SPAG16: variants seen among roughly 807,000 people sequenced by gnomAD.
SPAG16 encodes sperm associated antigen 16.
SPAG16 carries 86 observed loss-of-function variants against 80.4 expected under a neutral mutation model. The observed-to-expected ratio is 1.07, with a 90% confidence interval of 0.90 to 1.28. The LOEUF (loss-of-function observed/expected upper bound fraction) is 1.28, where lower values mean the gene tolerates loss of function less well. Ranked by LOEUF, SPAG16 falls within the 50% of genes most tolerant of loss-of-function variation. The probability of loss-of-function intolerance (pLI) is 0.00; values close to 1 mark genes in which losing one functional copy is unlikely to be tolerated. For missense variants in SPAG16, 870 were observed against 765.3 expected (o/e 1.14, Z -1.61); for synonymous variants, 294 against 265.9 (o/e 1.11, Z -1.03).
intron 15 of SPAG16, among the ~76,000 whole-genome samples, chr2:214,261,688 C>T (rs1329195169): frequency 6.6e-6 from 1 of 151,948 alleles, no homozygotes; most frequent in Non-Finnish European, 1.5e-5. Flanking sequence ...TTTATTTGTG[C>T]TTATTAAGTT....
rs369563375 is a variant in SPAG16, at chr2:213,392,813, T to C, written c.942+17694T>C. Among the ~76,000 whole-genome samples, 91 of 151,738 alleles carry C rather than the reference T, an allele frequency of 6.0e-4. 2 individuals carry two copies. In the South Asian group the frequency reaches 0.018, roughly 30 times the overall value. ...GTGAGCCGAGATTGCACTACTGCAC[T>C]CCATCCTGGGTGATGGAGCGAGACT... On this transcript the variant is annotated intron_variant, in intron 9 of 15. Transcript: ENST00000331683.
intron 10 of SPAG16, among the ~76,000 whole-genome samples, chr2:213,643,559 T>C (rs1194201429): frequency 6.7e-6 from 1 of 149,574 alleles, no homozygotes; most frequent in Non-Finnish European, 1.5e-5. Flanking sequence ...TCTCTATGTA[T>C]AGAAAGTTCT....
At chr2:214,347,260 C>T (rs939076952) in intron 15 of SPAG16, among the ~76,000 whole-genome samples, 2 of 151,914 alleles carry the variant, frequency 1.3e-5, no homozygotes, top group African/African-American at 4.8e-5. Flanking sequence ...GACATCTGAG[C>T]AGAGTGTTGA....
At position 213,512,057 on chromosome 2, in the gene SPAG16, A is replaced by G. The variant is rs112213548; in HGVS notation, c.1070+21967A>G. ...AGAAGCACAGATTATATTTTAGCTT[A>G]ATTAGCTAAAATCACAACAGTCATG... On this transcript the variant is annotated intron_variant, in intron 10 of 15. Coordinates refer to ENST00000331683, the MANE Select transcript of SPAG16 (RefSeq NM_024532.5). 7.8e-4 allele frequency among the ~76,000 whole-genome samples: 119 copies of G among 152,300 alleles called. 2 individuals carry two copies. The highest frequency in any genetic ancestry group is 3.4e-3 in the Middle Eastern group (1 of 294).
intron 10 of SPAG16, among the ~76,000 whole-genome samples, chr2:213,670,262 C>T (rs1390679041): frequency 6.6e-6 from 1 of 152,072 alleles, no homozygotes; most frequent in African/African-American, 2.4e-5. Context: ...TCCCAAAGTG[C>T]TGGGATTACA....
intron 10 of SPAG16, among the ~76,000 whole-genome samples, chr2:213,517,299 T>C (rs977820867): frequency 2.6e-5 from 4 of 152,104 alleles, no homozygotes; most frequent in African/African-American, 7.2e-5. Flanking sequence ...ACTGCTGAAA[T>C]AAATTAGAGA....
intron 11 of SPAG16, among the ~76,000 whole-genome samples, chr2:213,865,515 A>G (rs2105961587): frequency 6.6e-6 from 1 of 151,632 alleles, no homozygotes; most frequent in East Asian, 1.9e-4. Context: ...ATTAAATAAG[A>G]AAAAAAGAAA....
At chr2:214,264,496 T>C (rs1208585749) in intron 15 of SPAG16, among the ~76,000 whole-genome samples, 1 of 152,174 alleles carries the variant, frequency 6.6e-6, no homozygotes, top group African/African-American at 2.4e-5. Context: ...TACAGAAAAA[T>C]TGGACAGAAG....
At position 213,902,381 on chromosome 2, in the gene SPAG16, A is replaced by T. The variant is rs148734827; in HGVS notation, c.1215-27579A>T. Among the ~76,000 whole-genome samples, 40 of 152,350 alleles carry T rather than the reference A, an allele frequency of 2.6e-4. 1 individual carries two copies. The East Asian group carries it at 7.5e-3, about 29-fold the overall frequency. ...GGTTTAATTGGACTTACAGTTCCAC[A>T]TGGCTGAGGAGGCCTCAGAATCATG... On this transcript the variant is annotated intron_variant, in intron 11 of 15. Transcript: ENST00000331683.
At chr2:214,311,713 A>C (rs1203090371) in intron 15 of SPAG16, 3 of 152,104 alleles carry the variant, frequency 2.0e-5, no homozygotes, top group Non-Finnish European at 2.9e-5. Flanking sequence ...TTCACCTGCA[A>C]ATTTGATCTT....
At chr2:214,345,449 T>A (rs552310817) in intron 15 of SPAG16, among the ~76,000 whole-genome samples, 1 of 152,274 alleles carries the variant, frequency 6.6e-6, no homozygotes, top group Non-Finnish European at 1.5e-5. Context: ...TAACTCAGAC[T>A]TTTTTTAATT....
At chr2:213,501,776 TA>T (rs1179947717) in intron 10 of SPAG16, among the ~76,000 whole-genome samples, 1 of 152,234 alleles carries the variant, frequency 6.6e-6, no homozygotes, top group Non-Finnish European at 1.5e-5. Flanking sequence ...ATGTAGATAT[TA>T]AAAATAGATA....
chr2:214,250,340 A>G (rs1690160894), intron 15 of SPAG16, among the ~76,000 whole-genome samples: 1 of 152,026 alleles, frequency 6.6e-6, no homozygotes, highest in Non-Finnish European at 1.5e-5. Context: ...GTAAATAGAA[A>G]TCATTCAGAG....
intron 14 of SPAG16, among the ~76,000 whole-genome samples, chr2:214,117,357 A>G (rs1396945714): frequency 6.6e-6 from 1 of 152,180 alleles, no homozygotes. Flanking sequence ...ACAGGATCCT[A>G]CAACAGTTGC....
chr2:213,625,802 C>T (rs2125066055), intron 10 of SPAG16, among the ~76,000 whole-genome samples: 1 of 152,272 alleles, frequency 6.6e-6, no homozygotes, highest in East Asian at 1.9e-4. Context: ...ATTCTCCTGC[C>T]TCAGCCTCCG....
chr2:213,683,739 A>G lies in SPAG16; in HGVS notation c.1071-178746A>G, dbSNP rs149445778. On this transcript the variant is annotated intron_variant, in intron 10 of 15. Coordinates refer to ENST00000331683, the MANE Select transcript of SPAG16 (RefSeq NM_024532.5). ...TTGCCTTTCAGCCTTGTTATGCCTT[A>G]ATACTGATTCTGTATGCATATATAC... Among the ~76,000 whole-genome samples, 641 of 152,240 alleles carry G rather than the reference A, an allele frequency of 4.2e-3. 7 individuals carry two copies. Among genetic ancestry groups the G allele is most frequent in the African/African-American group, 0.015 (604 of 41,540 alleles).
At chr2:214,147,050 T>C (rs1442587390) in intron 14 of SPAG16, among the ~76,000 whole-genome samples, 2 of 152,062 alleles carry the variant, frequency 1.3e-5, no homozygotes, top group Admixed American at 1.3e-4. Flanking sequence ...ATGCATACTT[T>C]GTCATGGCTT....
At chr2:213,960,979 C>G (rs900801756) in intron 12 of SPAG16, among the ~76,000 whole-genome samples, 1 of 152,140 alleles carries the variant, frequency 6.6e-6, no homozygotes, top group Non-Finnish European at 1.5e-5. Flanking sequence ...ACTCTGGCTC[C>G]CATAAGCTAC....
intron 12 of SPAG16, among the ~76,000 whole-genome samples, chr2:213,963,788 C>G (rs58463135): frequency 6.6e-6 from 1 of 152,126 alleles, no homozygotes; most frequent in East Asian, 1.9e-4. Flanking sequence ...GTTTAACTTC[C>G]TTTTACATTT....
Sources: allele counts gnomAD v4.1 joint callset (sites outside exome capture counted in the v4.1 genomes callset), GRCh38; gene constraint gnomAD v4.1.1; transcripts MANE v1.5; gene names NCBI Gene and HGNC (gene_info 2026-07-23, HGNC 2026-07-21).